Variants in HMCN1 observed in about 807,000 individuals in gnomAD.
HMCN1 encodes the protein hemicentin 1, also known as hemicentin-1.
HMCN1 carries 321 observed loss-of-function variants against 625.9 expected under a neutral mutation model. That is an observed-to-expected ratio of 0.51 (90% confidence interval 0.47 to 0.56). HMCN1 has a LOEUF of 0.56. Among genes scored for constraint, HMCN1 ranks in the 20% least tolerant of loss-of-function variants. The pLI, the probability that HMCN1 is intolerant of heterozygous loss-of-function variation, is 0.00. For synonymous variants in HMCN1, 2,425 were observed against 2,417.6 expected (o/e 1.00, Z -0.09); for missense variants, 6,588 against 6,887.3 (o/e 0.96, Z 1.54).
chr1:185,944,300 C>T (rs1199422170), intron 11 of HMCN1, among the ~76,000 whole-genome samples: 1 of 152,120 alleles, frequency 6.6e-6, no homozygotes, highest in African/African-American at 2.4e-5. Context: ...ATAAGATTGA[C>T]TTTGAAGACT....
chr1:185,884,188 A>G (rs1044119873), intron 4 of HMCN1, among the ~76,000 whole-genome samples: 1 of 151,832 alleles, frequency 6.6e-6, no homozygotes, highest in Non-Finnish European at 1.5e-5. Context: ...CATTATTTCA[A>G]TGAGGCTGAA....
At chr1:185,852,715 A>C (rs1662238910) in intron 2 of HMCN1, among the ~76,000 whole-genome samples, 1 of 151,728 alleles carries the variant, frequency 6.6e-6, no homozygotes, top group Non-Finnish European at 1.5e-5. Flanking sequence ...CAAGCAGAAC[A>C]GTGGCCAAAG....
chr1:186,107,159 C>T (rs6701244), intron 70 of HMCN1, among the ~76,000 whole-genome samples, 194 bp downstream of exon 70: 79,714 of 151,804 alleles, frequency 0.53, 21,157 homozygotes, highest in Admixed American at 0.6. Context: ...TATCTCGGCT[C>T]ACTGCAAGCT....
intron 100 of HMCN1, among the ~76,000 whole-genome samples, chr1:186,169,934 A>T (rs1652115488): frequency 6.6e-6 from 1 of 152,160 alleles, no homozygotes; most frequent in Admixed American, 6.5e-5. Context: ...TCCACCTGAC[A>T]AAGGGCTAAT....
chr1:185,845,460 A>T (rs921147462), intron 1 of HMCN1, among the ~76,000 whole-genome samples: 38 of 152,272 alleles, frequency 2.5e-4, no homozygotes, highest in Admixed American at 5.9e-4. Flanking sequence ...ACCTCAAATG[A>T]TCTGCCCGCC....
At chr1:186,050,237 T>C (rs1445596093) in intron 42 of HMCN1, among the ~76,000 whole-genome samples, 1 of 151,934 alleles carries the variant, frequency 6.6e-6, no homozygotes, top group Non-Finnish European at 1.5e-5. Context: ...AATTCCTTTT[T>C]CATATGCAAT....
chr1:185,972,180 C>T (rs1270429937), intron 15 of HMCN1, among the ~76,000 whole-genome samples: 1 of 152,182 alleles, frequency 6.6e-6, no homozygotes, highest in Non-Finnish European at 1.5e-5. Flanking sequence ...TTGTCTGGCT[C>T]TAGAGGAAGA....
intron 1 of HMCN1, among the ~76,000 whole-genome samples, chr1:185,778,140 T>C (rs1210417495): frequency 6.6e-6 from 1 of 152,144 alleles, no homozygotes; most frequent in Non-Finnish European, 1.5e-5. Flanking sequence ...TAATTAGCCC[T>C]AAGTGTTCAC....
intron 1 of HMCN1, among the ~76,000 whole-genome samples, chr1:185,810,407 T>A (rs1659437638): frequency 6.6e-6 from 1 of 152,148 alleles, no homozygotes; most frequent in African/African-American, 2.4e-5. Context: ...AATAAAAAGA[T>A]TCACAGACAT....
chr1:185,997,568 G>T, intron 25 of HMCN1, 44 bp downstream of exon 25: 1 of 1,347,418 alleles, frequency 7.4e-7, no homozygotes, highest in Non-Finnish European at 1.1e-6. Context: ...AATGTTATAT[G>T]GTTTCAGAAT....
At chr1:185,839,281 A>C (rs569168593) in intron 1 of HMCN1, among the ~76,000 whole-genome samples, 1 of 152,216 alleles carries the variant, frequency 6.6e-6, no homozygotes, top group African/African-American at 2.4e-5. Flanking sequence ...AAAACTTTGA[A>C]ATGAATTACA....
intron 85 of HMCN1, among the ~76,000 whole-genome samples, chr1:186,131,912 C>T (rs372934917): frequency 3.3e-5 from 5 of 152,126 alleles, no homozygotes; most frequent in African/African-American, 9.7e-5. Context: ...TAATAATCCC[C>T]ATTAGAAAGG....
chr1:185,976,563 G>A (rs1571649003), intron 15 of HMCN1, among the ~76,000 whole-genome samples: 1 of 152,084 alleles, frequency 6.6e-6, no homozygotes, highest in South Asian at 2.1e-4. Context: ...TAGAAAAGGG[G>A]AAGTTAATAT....
At chr1:185,805,824 T>C (rs908952305) in intron 1 of HMCN1, among the ~76,000 whole-genome samples, 10 of 152,170 alleles carry the variant, frequency 6.6e-5, no homozygotes, top group African/African-American at 2.4e-5. Context: ...TGCTCCTATA[T>C]TGGTAGAGTC....
intron 1 of HMCN1, 80 bp downstream of exon 1, chr1:185,735,127 C>G (rs1653470158): frequency 6.8e-7 from 1 of 1,461,118 alleles, no homozygotes; most frequent in Admixed American, 1.7e-5. Flanking sequence ...AATTGTTTGT[C>G]AGGAAGTTTC....
chr1:186,118,451 A>G (rs1345334782), intron 77 of HMCN1, among the ~76,000 whole-genome samples: 1 of 152,234 alleles, frequency 6.6e-6, no homozygotes, highest in Non-Finnish European at 1.5e-5. Flanking sequence ...TTAGGCTAAG[A>G]AAACAATTTA....
intron 48 of HMCN1, among the ~76,000 whole-genome samples, chr1:186,063,200 T>C (rs985517792): frequency 6.7e-6 from 1 of 150,154 alleles, no homozygotes; most frequent in East Asian, 2.0e-4. Context: ...CTAATGCAGG[T>C]ATCTTTTTGT....
At chr1:185,855,348 T>C (rs1490777942) in intron 2 of HMCN1, among the ~76,000 whole-genome samples, 1 of 152,178 alleles carries the variant, frequency 6.6e-6, no homozygotes, top group African/African-American at 2.4e-5. Flanking sequence ...AGAGGATGGT[T>C]ACTGAAGGGT....
chr1:186,132,939 G>C (rs1466694927), intron 86 of HMCN1, among the ~76,000 whole-genome samples: 2 of 152,180 alleles, frequency 1.3e-5, no homozygotes, highest in East Asian at 3.9e-4. Context: ...ATGGTTTCCA[G>C]CTTCATCCAT....
Sources: allele counts gnomAD v4.1 joint callset (sites outside exome capture counted in the v4.1 genomes callset), GRCh38; gene constraint gnomAD v4.1.1; transcripts MANE v1.5; gene names NCBI Gene and HGNC (gene_info 2026-07-23, HGNC 2026-07-21).